MGAT5B: variants seen among roughly 807,000 people sequenced by gnomAD.
MGAT5B encodes N-acetylglucosaminyl-transferase Vb.
In MGAT5B, 54 loss-of-function variants were observed where a neutral mutation model predicts 95.1. That is an observed-to-expected ratio of 0.57 (90% CI 0.46 to 0.71). The LOEUF is 0.71. MGAT5B is among the 30% of genes least tolerant of loss of function. The probability of loss-of-function intolerance (pLI) is 0.00; values close to 1 mark genes in which losing one functional copy is unlikely to be tolerated. For missense variants in MGAT5B, 935 were observed against 1,088.6 expected (o/e 0.86, Z 1.99); for synonymous variants, 464 against 451.0 (o/e 1.03, Z -0.36).
chr17:76,868,948 G>T lies in MGAT5B; in HGVS notation c.-82G>T. The T allele has an allele frequency of 7.0e-7, 1 of 1,419,348 alleles. No homozygotes were observed. The highest frequency in any genetic ancestry group is 9.9e-7 in the Non-Finnish European group (1 of 1,011,050). 87.9% of individuals were successfully genotyped at this position (1,419,348 alleles called of 1,614,324 possible). On this transcript the variant is annotated 5_prime_UTR_variant, in exon 1 of 18. Transcript: ENST00000569840. This position sits in a 1 kb window ranked among gnomAD's most constrained non-coding sequence, Gnocchi z 6.3. Reference sequence around the variant, plus strand: ...CGCGGCTTCGGCCCGCAGAGGGTTCGTGGCCCGGACGCGGCGAGAGCTGGG... The same window carrying T: ...CGCGGCTTCGGCCCGCAGAGGGTTCTTGGCCCGGACGCGGCGAGAGCTGGG...
At chr17:76,878,155 G>T (rs967014691) in intron 2 of MGAT5B, among the ~76,000 whole-genome samples, 1 of 152,130 alleles carries the variant, frequency 6.6e-6, no homozygotes, top group African/African-American at 2.4e-5. Flanking sequence ...GGTCACTGGG[G>T]GAGAGTCGGC....
Position 76,938,175 on chromosome 17 carries a change from C to G in MGAT5B, c.1584+32C>G. On this transcript the variant is annotated intron_variant, in intron 13 of 17. Transcript: ENST00000569840. This position sits in a 1 kb window ranked among gnomAD's most constrained non-coding sequence, Gnocchi z 4.3. ...TCCCATCCCCCGCACCATTCTCACA[C>G]TTGCCGGCTGCAGACACTGAGGTCA... is the stretch of plus-strand genomic sequence containing the variant. 6.2e-7 allele frequency: 1 copy of G among 1,608,690 alleles called. No homozygotes were observed. Among genetic ancestry groups the G allele is most frequent in the South Asian group, 1.1e-5 (1 of 90,794 alleles).
intron 15 of MGAT5B, among the ~76,000 whole-genome samples, chr17:76,945,620 G>T (rs2145289444): frequency 6.6e-6 from 1 of 152,344 alleles, no homozygotes; most frequent in Admixed American, 6.5e-5. Context: ...ACAACCTGTG[G>T]CCTCTGTTTG....
intron 3 of MGAT5B, 96 bp downstream of exon 3, chr17:76,882,394 G>A: frequency 2.1e-6 from 3 of 1,428,636 alleles, no homozygotes; most frequent in Admixed American, 2.3e-5. Context: ...TTGTGAATCT[G>A]GAGAAGATTT....
rs1968505495 is a variant in MGAT5B, at chr17:76,905,860, A to G, written c.856-158A>G. Among the ~76,000 whole-genome samples, 2 of 152,128 alleles carry G rather than the reference A, an allele frequency of 1.3e-5. No individual in the cohort carries two copies. The highest frequency in any genetic ancestry group is 4.1e-4 in the South Asian group (2 of 4,828). On this transcript the variant is annotated intron_variant, in intron 7 of 17. Transcript: ENST00000569840. The surrounding 1 kb of genome is among the most constrained non-coding windows in gnomAD (Gnocchi z 4.2). ...GACTATCTTGTTCGCCCGTGTCCCC[A>G]GTGCCCGATCTGGTCACTCTGGTGC...
chr17:76,935,954 T>TTA (rs201147006), intron 12 of MGAT5B, among the ~76,000 whole-genome samples: 7,507 of 140,540 alleles, frequency 0.053, 306 homozygotes, highest in Non-Finnish European at 0.086. Context: ...ATTATATACA[T>TTA]TATATATATA....
chr17:76,935,791 C>CAT (rs1157853616), intron 12 of MGAT5B, among the ~76,000 whole-genome samples: 1 of 141,214 alleles, frequency 7.1e-6, no homozygotes, highest in Non-Finnish European at 1.5e-5. Flanking sequence ...TCTTTTTAAA[C>CAT]ATATATATAT....
At chr17:76,920,038 C>T (rs1442187685) in intron 8 of MGAT5B, among the ~76,000 whole-genome samples, 2 of 152,206 alleles carry the variant, frequency 1.3e-5, no homozygotes, top group African/African-American at 4.8e-5. Flanking sequence ...CTACCCCTTT[C>T]CTCTTGGGAT....
intron 3 of MGAT5B, among the ~76,000 whole-genome samples, chr17:76,899,289 C>T (rs145810340): frequency 5.5e-4 from 84 of 152,256 alleles, no homozygotes; most frequent in African/African-American, 1.8e-3. Flanking sequence ...GAGCCCGGCT[C>T]GTCTCCAGCT....
At chr17:76,903,643 C>T (rs1968405997) in intron 5 of MGAT5B, among the ~76,000 whole-genome samples, 2 of 152,238 alleles carry the variant, frequency 1.3e-5, no homozygotes, top group African/African-American at 4.8e-5. Context: ...GCCCTGGCTG[C>T]CCTGTCCCTG....
chr17:76,947,955 GC>G lies in MGAT5B; in HGVS notation c.2055del (p.Ala686ArgfsTer24). On this transcript the variant is annotated frameshift_variant, in exon 17 of 18. Coordinates refer to ENST00000569840, the MANE Select transcript of MGAT5B (RefSeq NM_001199172.2). LOFTEE classifies it high-confidence loss of function. ...RNTSLAPGAW[P>X]PAHALRAWLA... ...ACACCAGCTTGGCTCCTGGGGCCTGGCCCCCCGCGCACGCCCTGCGGGCCTG... is the reference window on the plus strand; with the variant it reads ...ACACCAGCTTGGCTCCTGGGGCCTGGCCCCCGCGCACGCCCTGCGGGCCTG... The G allele has an allele frequency of 6.2e-7, 1 of 1,612,190 alleles. No individual in the cohort carries two copies. Among genetic ancestry groups the G allele is most frequent in the South Asian group, 1.1e-5 (1 of 90,838 alleles).
At chr17:76,947,799 C>G in intron 16 of MGAT5B, 31 bp from the exon 17 acceptor site, 3 of 1,516,502 alleles carry the variant, frequency 2.0e-6, no homozygotes, top group Non-Finnish European at 2.7e-6. Flanking sequence ...GGTCGCACTT[C>G]CCCACCCTGA....
intron 8 of MGAT5B, among the ~76,000 whole-genome samples, chr17:76,921,536 C>G (rs966892628): frequency 1.3e-5 from 2 of 152,128 alleles, no homozygotes; most frequent in Non-Finnish European, 2.9e-5. Flanking sequence ...CAAGCGGGTC[C>G]TGCATCAGGT....
At chr17:76,898,146 A>G (rs1157654179) in intron 3 of MGAT5B, among the ~76,000 whole-genome samples, 1 of 152,118 alleles carries the variant, frequency 6.6e-6, no homozygotes, top group African/African-American at 2.4e-5. Context: ...AGTTTTACAT[A>G]TGGACAGATT....
In MGAT5B at chr17:76,916,753, C is replaced by G. The variant is rs1033501030; in HGVS notation, c.1026-8213C>G. Among the ~76,000 whole-genome samples, 1 of 152,068 alleles carries G rather than the reference C, an allele frequency of 6.6e-6. No individual in the cohort carries two copies. The highest frequency in any genetic ancestry group is 1.5e-5 in the Non-Finnish European group (1 of 68,012). The stretch of plus-strand genomic sequence containing the variant: ...GTGAATCTCAGGGGTCGTGGGTTCT[C>G]GAGAAGGGATGAGGGGACCAGTGTT... On this transcript the variant is annotated intron_variant, in intron 8 of 17. Transcript: ENST00000569840. The surrounding 1 kb of genome is among the most constrained non-coding windows in gnomAD (Gnocchi z 5.3).
At position 76,905,229 on chromosome 17, in the gene MGAT5B, C is replaced by T; in HGVS notation, c.751C>T (p.Leu251=). ...LDLMGSGKES[L]IFMKKRTKRL... is the part of the protein sequence containing the mutation. Reference sequence around the variant, plus strand: ...CCTGATGGGCAGCGGGAAGGAGTCCCTGATCTTCATGAAGAAGCGGACCAA... The same window carrying T: ...CCTGATGGGCAGCGGGAAGGAGTCCTTGATCTTCATGAAGAAGCGGACCAA... Residue 251 remains leucine, a synonymous_variant, in exon 7 of 18, where the codon CTG becomes TTG. Transcript: ENST00000569840. This position sits in a 1 kb window ranked among gnomAD's most constrained non-coding sequence, Gnocchi z 4.2. 2 of 1,613,618 alleles carry T rather than the reference C, an allele frequency of 1.2e-6. No individual in the cohort carries two copies. The highest frequency in any genetic ancestry group is 1.7e-6 in the Non-Finnish European group (2 of 1,179,732).
chr17:76,872,862 T>C lies in MGAT5B; in HGVS notation c.80T>C (p.Leu27Pro). 1 of 1,614,240 alleles carries C rather than the reference T, an allele frequency of 6.2e-7. No homozygotes were observed. Among genetic ancestry groups the C allele is most frequent in the African/African-American group, 1.3e-5 (1 of 75,068 alleles). ...CTTCCTCTCCGCAGGCTTTTTGTCC[T>C]GGGCATCGGCTTCTTCACTCTCTGC... is the stretch of plus-strand genomic sequence containing the variant. ...VTLRPFRLFV[L>P]GIGFFTLCFL... The change falls in exon 2 of 18, where the codon CTG becomes CCG. Residue 27 changes from leucine to proline, a missense_variant. Physicochemically the swap from Leu to Pro is moderately conservative, Grantham distance 98. Transcript: ENST00000569840.
At chr17:76,903,192 G>A (rs546338512) in intron 4 of MGAT5B, 111 bp from the exon 5 acceptor site, 1 of 838,056 alleles carries the variant, frequency 1.2e-6, no homozygotes, top group Non-Finnish European at 1.9e-6. Flanking sequence ...GAGCTTTAAG[G>A]TGGGAAAGCC....
In MGAT5B at chr17:76,915,780, G is replaced by GC. The variant is rs926427909; in HGVS notation, c.1026-9182dup. Among the ~76,000 whole-genome samples, 46 of 152,110 alleles carry GC rather than the reference G, an allele frequency of 3.0e-4. No homozygotes were observed. Among genetic ancestry groups the GC allele is most frequent in the African/African-American group, 1.1e-3 (45 of 41,410 alleles). ...GATTACAATTCACTAAAAATCCCCG[G>GC]CCCCTCTCCTGTCTCCTTTTTCCTT... On this transcript the variant is annotated intron_variant, in intron 8 of 17. Transcript: ENST00000569840. This position sits in a 1 kb window ranked among gnomAD's most constrained non-coding sequence, Gnocchi z 8.7.
Sources: gnomAD v4.1 joint callset for allele counts (sites outside exome capture counted in the v4.1 genomes callset) on GRCh38, gnomAD v4.1.1 for gene constraint, Gnocchi (gnomAD v3.1) non-coding constraint, MANE v1.5 for transcripts, NCBI Gene and HGNC (gene_info 2026-07-23, HGNC 2026-07-21) for gene names.